SERPINI2: variants seen among roughly 807,000 people sequenced by gnomAD.
SERPINI2 encodes the protein serpin I2.
Under a neutral mutation model 47.3 loss-of-function variants are expected in SERPINI2, and 48 were observed. The ratio of observed to expected loss-of-function variants is 1.02; its 90% CI spans 0.81 to 1.29. SERPINI2 has a LOEUF of 1.29. Ranked by LOEUF, SERPINI2 falls within the 50% of genes most tolerant of loss-of-function variation. The pLI is 0.00. For missense variants in SERPINI2, 448 were observed against 456.9 expected (o/e 0.98, Z 0.18); for synonymous variants, 135 against 149.3 (o/e 0.90, Z 0.70).
intron 5 of SERPINI2, among the ~76,000 whole-genome samples, chr3:167,461,614 C>CTT (rs11458536): frequency 7.2e-6 from 1 of 139,244 alleles, no homozygotes. Flanking sequence ...GCTATAGATG[C>CTT]TTTTTTTTTT....
At chr3:167,460,150 T>C (rs1749945729) in intron 5 of SERPINI2, among the ~76,000 whole-genome samples, 1 of 152,212 alleles carries the variant, frequency 6.6e-6, no homozygotes. Context: ...TGTGCTGTTA[T>C]AGCAGCTCTA....
intron 7 of SERPINI2, 141 bp downstream of exon 7, chr3:167,449,175 C>A: frequency 1.5e-6 from 1 of 653,476 alleles, no homozygotes. Flanking sequence ...GCGTATACAA[C>A]CATTTCCTTT....
chr3:167,466,915 T>C, intron 3 of SERPINI2, 140 bp downstream of exon 3: 1 of 445,932 alleles, frequency 2.2e-6, no homozygotes. Context: ...TTAATTTAAA[T>C]AACTATGAAA....
chr3:167,442,782 G>A (rs758415789), intron 8 of SERPINI2, among the ~76,000 whole-genome samples: 23 of 152,116 alleles, frequency 1.5e-4, no homozygotes, highest in Non-Finnish European at 2.6e-4. Context: ...AAGGAACTAA[G>A]AACTAAAGGA....
rs1273000322 is a variant in SERPINI2, at chr3:167,474,057, G to A, written c.-65C>T. 3 of 1,044,622 alleles carry A rather than the reference G, an allele frequency of 2.9e-6. No homozygotes were observed. The highest frequency in any genetic ancestry group is 3.5e-6 in the Non-Finnish European group (3 of 868,832). The allele number at this position is 1,044,622 out of a possible 1,614,324, so 64.7% of individuals were successfully genotyped here. A position where few individuals can be genotyped will look rare whatever the true frequency, so the allele number is the denominator to read the frequency against. ...ATGTTACAACTAAAATACGCTTGCT[G>A]GAAAACTCTTGTACATAAACACCTG... On this transcript the variant is annotated 5_prime_UTR_variant, in exon 1 of 9. Transcript: ENST00000264677.
intron 5 of SERPINI2, among the ~76,000 whole-genome samples, chr3:167,459,639 C>A (rs1289233224): frequency 6.7e-6 from 1 of 150,222 alleles, no homozygotes; most frequent in Non-Finnish European, 1.5e-5. Flanking sequence ...CACTCACATG[C>A]TCCTTTCTAC....
intron 2 of SERPINI2, among the ~76,000 whole-genome samples, chr3:167,468,490 C>G (rs1313718774): frequency 6.6e-6 from 1 of 152,090 alleles, no homozygotes; most frequent in Non-Finnish European, 1.5e-5. Context: ...TCCCTACTTG[C>G]CTTTTTGGCC....
rs192816395 is a variant in SERPINI2, at chr3:167,458,480, T to C, written c.867-5447A>G. On this transcript the variant is annotated intron_variant, in intron 5 of 8. Transcript: ENST00000264677. ...GGTTTAACGGTGTGAGCCAGGATGG[T>C]CTCGATCTCCTGACCTCGTGATCTG... Among the ~76,000 whole-genome samples the C allele has an allele frequency of 4.5e-3, 676 of 151,288 alleles. 5 individuals carry two copies. The highest frequency in any genetic ancestry group is 0.016 in the African/African-American group (654 of 41,224).
chr3:167,467,060 G>C (rs1488939012), exon 3 of SERPINI2: 4 of 1,597,340 alleles, frequency 2.5e-6, no homozygotes, highest in Non-Finnish European at 3.4e-6. Context: ...TTTACCATCT[G>C]TTTTTCTTTC....
chr3:167,444,365 G>A (rs1396809834), intron 8 of SERPINI2, among the ~76,000 whole-genome samples: 1 of 152,108 alleles, frequency 6.6e-6, no homozygotes. Context: ...ATAATGGCTA[G>A]ATTTTGCACA....
At chr3:167,466,890 T>C (rs564637964) in intron 3 of SERPINI2, among the ~76,000 whole-genome samples, 165 bp downstream of exon 3, 4 of 152,260 alleles carry the variant, frequency 2.6e-5, no homozygotes, top group Admixed American at 2.6e-4. Context: ...TTCTTTCCAG[T>C]TTTACAATTT....
intron 8 of SERPINI2, among the ~76,000 whole-genome samples, chr3:167,444,185 C>T (rs1256432663): frequency 6.6e-6 from 1 of 152,072 alleles, no homozygotes; most frequent in African/African-American, 2.4e-5. Flanking sequence ...ACTATTTTTT[C>T]AGGAATGGTA....
At chr3:167,471,271 A>T (rs1030379714) in intron 2 of SERPINI2, among the ~76,000 whole-genome samples, 8 of 152,170 alleles carry the variant, frequency 5.3e-5, no homozygotes, top group Non-Finnish European at 1.2e-4. Flanking sequence ...GAGTATGTAC[A>T]TACACACACA....
chr3:167,448,081 T>A (rs1443721714), intron 7 of SERPINI2, among the ~76,000 whole-genome samples: 5 of 152,378 alleles, frequency 3.3e-5, no homozygotes, highest in African/African-American at 1.2e-4. Context: ...TACAAGGAAT[T>A]CATTAAAGTT....
At chr3:167,466,779 A>G (rs184226749) in intron 3 of SERPINI2, among the ~76,000 whole-genome samples, 2 of 152,266 alleles carry the variant, frequency 1.3e-5, no homozygotes, top group East Asian at 3.9e-4. Context: ...CTATGTTTTA[A>G]CAAAAATTAT....
At chr3:167,456,069 C>T (rs911791327) in intron 5 of SERPINI2, among the ~76,000 whole-genome samples, 4 of 151,668 alleles carry the variant, frequency 2.6e-5, no homozygotes, top group Non-Finnish European at 4.4e-5. Context: ...GAGAAAAATA[C>T]AACACAATCT....
At chr3:167,474,097 A>G (rs1750422990) in exon 1 of SERPINI2, 2 of 1,011,598 alleles carry the variant, frequency 2.0e-6, no homozygotes, top group African/African-American at 1.7e-5. Flanking sequence ...ATCAAGGCCA[A>G]CTCCATTTAT....
intron 7 of SERPINI2, among the ~76,000 whole-genome samples, chr3:167,448,531 G>A (rs1749544264): frequency 6.6e-6 from 1 of 152,008 alleles, no homozygotes; most frequent in Non-Finnish European, 1.5e-5. Flanking sequence ...GTTTTGTTTT[G>A]CTTTGTTTTG....
intron 1 of SERPINI2, among the ~76,000 whole-genome samples, chr3:167,473,463 A>G (rs1750394935): frequency 6.6e-6 from 1 of 151,614 alleles, no homozygotes; most frequent in South Asian, 2.1e-4. Flanking sequence ...CGTAGTCAAA[A>G]TGTTATTAGT....
Sources: allele counts gnomAD v4.1 joint callset (sites outside exome capture counted in the v4.1 genomes callset), GRCh38; gene constraint gnomAD v4.1.1; transcripts MANE v1.5; gene names NCBI Gene and HGNC (gene_info 2026-07-23, HGNC 2026-07-21).